NUP210L: variants seen among roughly 807,000 people sequenced by gnomAD.
NUP210L encodes the protein nuclear pore membrane glycoprotein 210-like.
A neutral mutation model predicts 208.5 loss-of-function variants in NUP210L; 74 were observed. That is an observed-to-expected ratio of 0.35 (90% confidence interval 0.29 to 0.43). The LOEUF (loss-of-function observed/expected upper bound fraction) is 0.43, where lower values mean the gene tolerates loss of function less well. NUP210L is among the 20% of genes least tolerant of loss of function. The probability of loss-of-function intolerance (pLI) is 1.00; values close to 1 mark genes in which losing one functional copy is unlikely to be tolerated. For missense variants in NUP210L, 1,843 were observed against 2,289.4 expected, an observed-to-expected ratio of 0.81 and a Z score of 3.98; for synonymous variants, 780 against 816.9, an observed-to-expected ratio of 0.95 and a Z score of 0.77.
chr1:154,068,970 T>TATA (rs1302655193), intron 17 of NUP210L, among the ~76,000 whole-genome samples: 2 of 151,812 alleles, frequency 1.3e-5, no homozygotes, highest in African/African-American at 4.8e-5. Flanking sequence ...AAACTTAAAG[T>TATA]ATAATAATAA....
At chr1:154,105,462 C>T (rs1435786711) in intron 12 of NUP210L, among the ~76,000 whole-genome samples, 1 of 143,804 alleles carries the variant, frequency 7.0e-6, no homozygotes, top group African/African-American at 2.6e-5. Flanking sequence ...GCACTCCAGC[C>T]TAGGTGACAG....
intron 3 of NUP210L, 81 bp downstream of exon 3, chr1:154,143,365 A>G: frequency 7.9e-7 from 1 of 1,273,618 alleles, no homozygotes; most frequent in South Asian, 1.4e-5. Flanking sequence ...TTGCCACTCA[A>G]GTTTTTGTTT....
intron 38 of NUP210L, 97 bp from the exon 39 acceptor site, chr1:153,993,186 TAAA>T (rs1178747541): frequency 2.7e-6 from 2 of 740,098 alleles, no homozygotes; most frequent in Non-Finnish European, 4.4e-6. Context: ...AAATAATTCT[TAAA>T]AATAAGTAAT....
chr1:154,060,460 C>T, intron 20 of NUP210L, 80 bp downstream of exon 20: 1 of 851,362 alleles, frequency 1.2e-6, no homozygotes, highest in East Asian at 2.6e-5. Flanking sequence ...AAGTTTTAGA[C>T]ACAAAATGGA....
Position 154,056,046 on chromosome 1 carries a change from G to A in NUP210L, c.3240+769C>T, listed in dbSNP as rs565182821. The stretch of plus-strand genomic sequence containing the variant: ...TGCACTCCAGCCTGGGCAACAGAGC[G>A]AGACTCTGTCTCAAACGAACAAAAA... On this transcript the variant is annotated intron_variant, in intron 23 of 39. Transcript: ENST00000368559. Among the ~76,000 whole-genome samples, 21 of 152,284 alleles carry A rather than the reference G, an allele frequency of 1.4e-4. No individual in the cohort carries two copies. In the South Asian group the frequency reaches 3.1e-3, roughly 23 times the overall value.
chr1:154,021,044 C>T (rs1404322268), intron 32 of NUP210L, among the ~76,000 whole-genome samples: 13 of 151,710 alleles, frequency 8.6e-5, no homozygotes, highest in African/African-American at 2.9e-4. Flanking sequence ...CAGGTTCAAG[C>T]GATTCTCCTG....
intron 35 of NUP210L, among the ~76,000 whole-genome samples, chr1:154,006,924 G>GTC (rs1650569923): frequency 9.6e-6 from 1 of 103,700 alleles, no homozygotes; most frequent in Non-Finnish European, 2.0e-5. Context: ...ATACACATAT[G>GTC]TCTGTGTGTG....
At chr1:153,994,302 C>T (rs1649690026) in intron 38 of NUP210L, among the ~76,000 whole-genome samples, 1 of 152,044 alleles carries the variant, frequency 6.6e-6, no homozygotes, top group Non-Finnish European at 1.5e-5. Context: ...TTTGTTGCTT[C>T]TTGGTAGTAA....
chr1:154,118,333 G>C (rs1340555295), intron 11 of NUP210L, among the ~76,000 whole-genome samples: 4 of 151,672 alleles, frequency 2.6e-5, no homozygotes, highest in Non-Finnish European at 2.9e-5. Context: ...AAGAAAGAAA[G>C]AAAAGAAACT....
chr1:154,122,871 C>T (rs772012499), intron 10 of NUP210L, among the ~76,000 whole-genome samples: 1 of 151,660 alleles, frequency 6.6e-6, no homozygotes, highest in Non-Finnish European at 1.5e-5. Flanking sequence ...CCAGCCAGGG[C>T]AACATGGTGA....
chr1:154,023,913 G>A (rs1467061913), intron 30 of NUP210L, among the ~76,000 whole-genome samples: 1 of 151,586 alleles, frequency 6.6e-6, no homozygotes, highest in Non-Finnish European at 1.5e-5. Flanking sequence ...TCAGCCTCCT[G>A]AGTAGCTGAG....
exon 5 of NUP210L, chr1:154,139,877 T>A: frequency 6.2e-7 from 1 of 1,612,784 alleles, no homozygotes; most frequent in South Asian, 1.1e-5. Flanking sequence ...AAATCACATC[T>A]CCTTGTTTCT....
At chr1:154,037,925 T>C (rs944148678) in intron 27 of NUP210L, among the ~76,000 whole-genome samples, 1 of 152,094 alleles carries the variant, frequency 6.6e-6, no homozygotes, top group African/African-American at 2.4e-5. Context: ...AGCCACTCTA[T>C]GTCTTTTAAA....
At chr1:154,000,889 C>A in exon 37 of NUP210L, 1 of 1,614,104 alleles carries the variant, frequency 6.2e-7, no homozygotes, top group South Asian at 1.1e-5. Flanking sequence ...GCCCTCACTA[C>A]CACTGCCTCA....
At chr1:154,075,758 C>T (rs1337669837) in intron 16 of NUP210L, among the ~76,000 whole-genome samples, 1 of 151,492 alleles carries the variant, frequency 6.6e-6, no homozygotes, top group Non-Finnish European at 1.5e-5. Context: ...TGAGAATGCC[C>T]AGACATTGAG....
rs1486800054 is a variant in NUP210L, at chr1:154,154,877, A to G, written c.168T>C (p.Pro56=). ...AGCCCCGCTGGGCCTCCAGCAGGAA[A>G]GGCACCCGGCCTGGCTCTCGGCCGA... Residue 56 remains proline (P), a synonymous_variant, in exon 1 of 40, where the codon CCT becomes CCC. Coordinates refer to ENST00000368559, the Ensembl canonical transcript of NUP210L. 5 of 1,614,086 alleles carry G rather than the reference A, an allele frequency of 3.1e-6. No individual in the cohort carries two copies. In the African/African-American group the frequency reaches 5.3e-5, roughly 17 times the overall value.
intron 38 of NUP210L, among the ~76,000 whole-genome samples, chr1:153,993,629 T>C (rs1649622643): frequency 6.7e-6 from 1 of 150,368 alleles, no homozygotes; most frequent in Non-Finnish European, 1.5e-5. Context: ...TTTTTTTTTT[T>C]AGGCTGTGTG....
At chr1:154,141,553 T>C (rs1212819423) in intron 3 of NUP210L, 29 bp from the exon 4 acceptor site, 3 of 1,277,390 alleles carry the variant, frequency 2.3e-6, no homozygotes, top group Admixed American at 3.5e-5. Context: ...GCAGACAAGA[T>C]AGGATCACGT....
At chr1:154,073,551 A>T (rs1023472832) in intron 16 of NUP210L, among the ~76,000 whole-genome samples, 16 of 152,052 alleles carry the variant, frequency 1.1e-4, no homozygotes, top group African/African-American at 3.9e-4. Flanking sequence ...ATCGTGGTTT[A>T]TATCTGTAAT....
Sources: gnomAD v4.1 joint callset for allele counts (sites outside exome capture counted in the v4.1 genomes callset) on GRCh38, gnomAD v4.1.1 for gene constraint, MANE v1.5 for transcripts, NCBI Gene and HGNC (gene_info 2026-07-23, HGNC 2026-07-21) for gene names.